The following MLLT10 variants were observed in gnomAD, a reference collection of about 807,000 sequenced individuals.
The protein encoded by MLLT10 is protein AF-10.
MLLT10 carries 30 observed loss-of-function variants against 129.1 expected under a neutral mutation model. That is an observed-to-expected ratio of 0.23 (90% CI 0.17 to 0.32). The LOEUF is 0.32. Among genes scored for constraint, MLLT10 ranks in the 10% least tolerant of loss-of-function variants. The pLI is 1.00. For missense variants in MLLT10, 1,119 were observed against 1,268.3 expected (o/e 0.88, Z 1.79); for synonymous variants, 490 against 446.4 (o/e 1.10, Z -1.23).
chr10:21,736,219 C>T (rs895500779), intron 21 of MLLT10, among the ~76,000 whole-genome samples: 1 of 151,988 alleles, frequency 6.6e-6, no homozygotes, highest in East Asian at 1.9e-4. Flanking sequence ...AGGGAGTGAT[C>T]CAGGCAGGAG....
chr10:21,710,120 T>A (rs1408094129), intron 13 of MLLT10, among the ~76,000 whole-genome samples: 1 of 152,248 alleles, frequency 6.6e-6, no homozygotes, highest in Non-Finnish European at 1.5e-5. Flanking sequence ...GATCTATTTT[T>A]GTTTGTTTAC....
chr10:21,651,030 G>T (rs898109635), intron 8 of MLLT10, among the ~76,000 whole-genome samples: 2 of 143,584 alleles, frequency 1.4e-5, no homozygotes, highest in Non-Finnish European at 3.0e-5. Context: ...AAAAGTATTT[G>T]GTGGTTGTGT....
At chr10:21,600,132 T>G (rs537825953) in intron 5 of MLLT10, among the ~76,000 whole-genome samples, 9 of 152,294 alleles carry the variant, frequency 5.9e-5, no homozygotes, top group African/African-American at 2.2e-4. Context: ...GTTTCTGGAC[T>G]TTTTATGTGT....
intron 3 of MLLT10, among the ~76,000 whole-genome samples, chr10:21,545,352 C>T (rs1033744471): frequency 5.3e-5 from 8 of 151,458 alleles, no homozygotes; most frequent in South Asian, 2.1e-4. Flanking sequence ...AAAGTACAGT[C>T]GCCACAGAGA....
At position 21,587,815 on chromosome 10, in the gene MLLT10, TA is replaced by T. The variant is rs2042134792; in HGVS notation, c.295+1472del. ...TTATACAGTCAGATTGTACAGAATTTAAAAATATGTTGAAAACTCTTCCTGT... is the reference window on the plus strand; with the variant it reads ...TTATACAGTCAGATTGTACAGAATTTAAAATATGTTGAAAACTCTTCCTGT... On this transcript the variant is annotated intron_variant, in intron 4 of 22. Transcript: ENST00000307729. Among the ~76,000 whole-genome samples the T allele has an allele frequency of 3.3e-5, 5 of 152,312 alleles. No individual in the cohort carries two copies. The South Asian group carries it at 1.0e-3, about 32-fold the overall frequency.
intron 14 of MLLT10, among the ~76,000 whole-genome samples, chr10:21,725,660 G>T (rs1017015929): frequency 6.9e-6 from 1 of 145,956 alleles, no homozygotes; most frequent in Non-Finnish European, 1.5e-5. Context: ...GGCGGAGGTT[G>T]CAGTGAGCCG....
At position 21,673,785 on chromosome 10, in the gene MLLT10, C is replaced by T. The variant is rs755190903; in HGVS notation, c.1487C>T (p.Ser496Phe). 5.6e-6 allele frequency: 9 copies of T among 1,614,166 alleles called. No individual in the cohort carries two copies. Among genetic ancestry groups the T allele is most frequent in the Non-Finnish European group, 7.6e-6 (9 of 1,180,024 alleles). The part of the protein sequence containing the change: ...NQENVSHLSV[S>F]SASPTSSVAS... ...GAGAATGTTTCTCATCTCTCAGTTT[C>T]TTCTGCTTCACCAACATCATCTGTA... The change falls in exon 11 of 23, where the codon TCT (serine) becomes TTT (phenylalanine). Residue 496 changes from serine (S) to phenylalanine (F), a missense_variant. This residue lies in a region of MLLT10 where 1,004 missense variants were observed against 1,008.7 expected (regional missense o/e 1.00). Transcript: ENST00000307729.
chr10:21,598,962 G>A (rs1262687968), intron 5 of MLLT10, among the ~76,000 whole-genome samples: 4 of 151,862 alleles, frequency 2.6e-5, no homozygotes, highest in African/African-American at 7.3e-5. Context: ...GGTAGATCAC[G>A]AGGTCAGGAG....
At chr10:21,586,391 G>C (rs1449936880) in intron 4 of MLLT10, 43 bp downstream of exon 4, 1 of 1,291,914 alleles carries the variant, frequency 7.7e-7, no homozygotes, top group Non-Finnish European at 1.1e-6. Flanking sequence ...TTGAAAACTG[G>C]GACAGTGGAG....
intron 13 of MLLT10, among the ~76,000 whole-genome samples, chr10:21,685,134 C>A (rs1467492620): frequency 6.6e-6 from 1 of 151,582 alleles, no homozygotes; most frequent in Non-Finnish European, 1.5e-5. Context: ...TGAAATATAT[C>A]TTAGTCATAT....
intron 3 of MLLT10, among the ~76,000 whole-genome samples, chr10:21,539,619 A>G (rs1480770404): frequency 4.6e-5 from 7 of 151,996 alleles, no homozygotes; most frequent in Admixed American, 3.3e-4. Context: ...TACAAATACA[A>G]AAATTAGCTG....
chr10:21,681,051 T>C (rs1017495813), intron 11 of MLLT10, among the ~76,000 whole-genome samples: 40 of 152,220 alleles, frequency 2.6e-4, no homozygotes, highest in African/African-American at 8.9e-4. Context: ...ACACTTGTTA[T>C]ACAGATTCAT....
rs549765524 is a variant in MLLT10 at position 21,734,138 on chromosome 10, C to T, written c.2858+9C>T. 33 of 1,583,046 alleles carry T rather than the reference C, an allele frequency of 2.1e-5. 1 individual carries two copies. The South Asian group carries it at 2.3e-4, about 11-fold the overall frequency. The stretch of plus-strand genomic sequence containing the variant: ...GCTACACTGACTAACAGGTAAGAAA[C>T]TTAAGTATGTTTTGGGTTTTTTAGT... On this transcript the variant is annotated intron_variant, in intron 20 of 22. Coordinates refer to ENST00000307729, the MANE Select transcript of MLLT10 (RefSeq NM_001195626.3).
At position 21,637,661 on chromosome 10, in the gene MLLT10, G is replaced by A. The variant is rs376775762; in HGVS notation, c.700-14012G>A. On this transcript the variant is annotated intron_variant, in intron 8 of 22. Coordinates refer to ENST00000307729, the MANE Select transcript of MLLT10 (RefSeq NM_001195626.3). ...TACCTATTTGTGGCAAGTGGCAAGG[G>A]AGTTTAGGTCACCCCTCTGGGAAAG... Among the ~76,000 whole-genome samples the A allele has an allele frequency of 5.9e-5, 9 of 152,308 alleles. No homozygotes were observed. In the East Asian group the frequency reaches 7.7e-4, roughly 13 times the overall value.
chr10:21,660,796 C>G (rs1404380562), intron 9 of MLLT10, among the ~76,000 whole-genome samples: 1 of 150,160 alleles, frequency 6.7e-6, no homozygotes, highest in Non-Finnish European at 1.5e-5. Flanking sequence ...TCACTTGAAC[C>G]CAGGAGGTGG....
At chr10:21,539,766 T>A (rs1157112292) in intron 3 of MLLT10, among the ~76,000 whole-genome samples, 1 of 150,388 alleles carries the variant, frequency 6.6e-6, no homozygotes, top group Non-Finnish European at 1.5e-5. Context: ...TGAAACTCTG[T>A]CTCAAAAAAA....
chr10:21,588,008 G>A (rs1288795159), intron 4 of MLLT10, among the ~76,000 whole-genome samples: 1 of 152,056 alleles, frequency 6.6e-6, no homozygotes, highest in African/African-American at 2.4e-5. Context: ...ATACTCTTCT[G>A]CCTCTTAATT....
At chr10:21,716,194 G>A (rs1402946071) in intron 14 of MLLT10, among the ~76,000 whole-genome samples, 3 of 152,210 alleles carry the variant, frequency 2.0e-5, no homozygotes, top group Non-Finnish European at 2.9e-5. Flanking sequence ...TAAAATTGGG[G>A]ATGCACTTAG....
At chr10:21,692,557 G>T (rs1422075797) in intron 13 of MLLT10, among the ~76,000 whole-genome samples, 1 of 151,964 alleles carries the variant, frequency 6.6e-6, no homozygotes, top group East Asian at 1.9e-4. Context: ...ATAGCTCACT[G>T]CAGTCTCAAT....
Sources: gnomAD v4.1 joint callset for allele counts (sites outside exome capture counted in the v4.1 genomes callset) on GRCh38, gnomAD v4.1.1 for gene constraint, gnomAD v4.1.1 regional missense constraint, MANE v1.5 for transcripts, NCBI Gene and HGNC (gene_info 2026-07-23, HGNC 2026-07-21) for gene names.